The following NSD2 variants were observed in gnomAD, a reference collection of about 807,000 sequenced individuals.
NSD2 encodes nuclear receptor binding SET domain protein 2.
A neutral mutation model predicts 139.0 loss-of-function variants in NSD2; 12 were observed. The observed-to-expected ratio is 0.09, with a 90% confidence interval of 0.06 to 0.14. NSD2 has a LOEUF of 0.14. Ranked by LOEUF, NSD2 falls within the 10% of genes least tolerant of loss-of-function variation. NSD2 has a pLI of 1.00. For missense variants in NSD2, 1,155 were observed against 1,745.0 expected, an observed-to-expected ratio of 0.66 and a Z score of 6.02; for synonymous variants, 669 against 648.7, an observed-to-expected ratio of 1.03 and a Z score of -0.48.
rs368860271 is a variant in NSD2 at position 1,955,506 on chromosome 4, T to C, written c.2518+166T>C. 7.0e-5 allele frequency: 86 copies of C among 1,233,334 alleles called. No homozygotes were observed. The East Asian group carries it at 2.1e-3, about 31-fold the overall frequency. The allele number at this position is 1,233,334 out of a possible 1,614,324, so 76.4% of individuals were successfully genotyped here. On this transcript the variant is annotated intron_variant, in intron 13 of 21. Transcript: ENST00000508803. This position sits in a 1 kb window ranked among gnomAD's most constrained non-coding sequence, Gnocchi z 4.7. ...AGTAGCTCTAAATTAATTGTAATCA[T>C]TTCGCAAACATACAGGAAATTATTT...
intron 20 of NSD2, 27 bp downstream of exon 20, chr4:1,975,427 C>G (rs200279117): frequency 1.2e-6 from 2 of 1,605,158 alleles, no homozygotes; most frequent in African/African-American, 1.3e-5. Flanking sequence ...CTCCTTCCCC[C>G]CAGGCTCTGT....
chr4:1,955,280 C>G lies in NSD2; in HGVS notation c.2458C>G (p.Arg820Gly). ...SIICTAHFTA[R>G]KGKRHHAHVN... ...CATCTGCACTGCCCACTTCACTGCTCGGAAGGGGAAGCGACACCACGCCCA... is the reference window on the plus strand; with the variant it reads ...CATCTGCACTGCCCACTTCACTGCTGGGAAGGGGAAGCGACACCACGCCCA... The change falls in exon 13 of 22, where the codon CGG (arginine) becomes GGG (glycine). Residue 820 changes from arginine to glycine, a missense_variant. Physicochemically the swap from Arg to Gly is moderately radical, Grantham distance 125. This residue lies in a region of NSD2 where 120 missense variants were observed against 239.3 expected (regional missense o/e 0.50). Coordinates refer to ENST00000508803, the MANE Select transcript of NSD2 (RefSeq NM_001042424.3). The surrounding 1 kb of genome is among the most constrained non-coding windows in gnomAD (Gnocchi z 4.7). 6.2e-7 allele frequency: 1 copy of G among 1,614,070 alleles called. No homozygotes were observed. The highest frequency in any genetic ancestry group is 1.7e-5 in the Admixed American group (1 of 60,034).
chr4:1,967,600 C>G (rs1726020707), intron 18 of NSD2, among the ~76,000 whole-genome samples: 1 of 151,982 alleles, frequency 6.6e-6, no homozygotes, highest in Non-Finnish European at 1.5e-5. Context: ...AAAGATATTT[C>G]CAACTTAACA....
intron 8 of NSD2, chr4:1,939,436 T>C (rs1577497104): frequency 1.7e-6 from 1 of 574,492 alleles, no homozygotes; most frequent in Non-Finnish European, 3.1e-6. Context: ...CAGGTTGATG[T>C]TTTTGGGGGC....
chr4:1,943,304 T>C (rs1375303135), intron 9 of NSD2: 9 of 1,043,450 alleles, frequency 8.6e-6, no homozygotes, highest in Non-Finnish European at 9.2e-6. Context: ...TTAATGAACG[T>C]TTCTGACTAA....
rs202245225 is a variant in NSD2 at position 1,955,806 on chromosome 4, C to T, written c.2632C>T (p.Leu878=). 6.2e-7 allele frequency: 1 copy of T among 1,614,232 alleles called. No individual in the cohort carries two copies. The highest frequency in any genetic ancestry group is 2.2e-5 in the East Asian group (1 of 44,890). ...CAATGACTGCAGGGCTGGGAAGAAG[C>T]TGCACTTCCAGGATATCATTTGGGT... ...FCNDCRAGKK[L]HFQDIIWVKL... is the part of the protein sequence containing the mutation. The change falls in exon 14 of 22, where the codon CTG becomes TTG. Residue 878 remains leucine, a synonymous_variant. Transcript: ENST00000508803. The surrounding 1 kb of genome is among the most constrained non-coding windows in gnomAD (Gnocchi z 4.7).
At chr4:1,886,898 A>G (rs766713533) in intron 1 of NSD2, among the ~76,000 whole-genome samples, 10 of 152,154 alleles carry the variant, frequency 6.6e-5, no homozygotes, top group Non-Finnish European at 1.0e-4. Flanking sequence ...TATATGTTCA[A>G]TTCTATCTGT....
chr4:1,940,616 A>G, intron 9 of NSD2: 3 of 1,062,698 alleles, frequency 2.8e-6, no homozygotes, highest in Non-Finnish European at 3.4e-6. Flanking sequence ...TGTTTTTCTC[A>G]TTGTAGACAT....
intron 1 of NSD2, chr4:1,887,709 TAA>T (rs1715223263): frequency 6.6e-6 from 1 of 152,202 alleles, no homozygotes; most frequent in African/African-American, 2.4e-5. Context: ...TAAATGAATA[TAA>T]ATTGTTACAT....
intron 4 of NSD2, 59 bp from the exon 5 acceptor site, chr4:1,918,082 A>G: frequency 6.4e-7 from 1 of 1,557,592 alleles, no homozygotes; most frequent in Non-Finnish European, 8.7e-7. Context: ...GCCTAGGAAA[A>G]GTAGTTAACT....
intron 3 of NSD2, among the ~76,000 whole-genome samples, chr4:1,905,409 A>G (rs1297436803): frequency 6.6e-6 from 1 of 152,218 alleles, no homozygotes; most frequent in African/African-American, 2.4e-5. Flanking sequence ...CTCCAGTCCA[A>G]TATTGCTGAC....
chr4:1,978,356 G>A (rs1208788802), intron 21 of NSD2, among the ~76,000 whole-genome samples: 1 of 152,106 alleles, frequency 6.6e-6, no homozygotes, highest in Non-Finnish European at 1.5e-5. Context: ...CGCCGCGCTG[G>A]GGGACACTCC....
chr4:1,931,632 G>A (rs928937603), intron 6 of NSD2, among the ~76,000 whole-genome samples: 5 of 152,150 alleles, frequency 3.3e-5, no homozygotes, highest in African/African-American at 4.8e-5. Context: ...GCCCAGAAGC[G>A]AAAGGGTCTG....
intron 3 of NSD2, among the ~76,000 whole-genome samples, chr4:1,911,587 CAAAAAAAAAAAAA>C (rs372660600): frequency 2.4e-5 from 1 of 42,076 alleles, no homozygotes; most frequent in Non-Finnish European, 4.6e-5. Flanking sequence ...GACGCCATCT[CAAAAAAAAAAAAA>C]AAAAAAAGAA....
intron 3 of NSD2, among the ~76,000 whole-genome samples, chr4:1,907,819 G>A (rs1403830175): frequency 6.6e-6 from 1 of 151,874 alleles, no homozygotes; most frequent in African/African-American, 2.4e-5. Context: ...CACCATGTTG[G>A]CCAGGATGAT....
chr4:1,968,753 C>T (rs1260893053), intron 18 of NSD2, among the ~76,000 whole-genome samples: 1 of 152,090 alleles, frequency 6.6e-6, no homozygotes, highest in African/African-American at 2.4e-5. Flanking sequence ...CTCCCACAGG[C>T]CTTAATGTTT....
chr4:1,880,524 A>C (rs1714622095), intron 1 of NSD2, among the ~76,000 whole-genome samples: 1 of 151,816 alleles, frequency 6.6e-6, no homozygotes, highest in African/African-American at 2.4e-5. Context: ...CCTCGTTCCC[A>C]TGGGTTTTAT....
At chr4:1,874,136 C>T (rs993546771) in intron 1 of NSD2, among the ~76,000 whole-genome samples, 2 of 152,216 alleles carry the variant, frequency 1.3e-5, no homozygotes, top group African/African-American at 2.4e-5. Context: ...TTCTGATCTA[C>T]GTGTTTGGTT....
Position 1,974,782 on chromosome 4 carries a change from T to C in NSD2, c.3373-81T>C. On this transcript the variant is annotated intron_variant, in intron 18 of 21. Coordinates refer to ENST00000508803, the MANE Select transcript of NSD2 (RefSeq NM_001042424.3). This position sits in a 1 kb window ranked among gnomAD's most constrained non-coding sequence, Gnocchi z 4.0. ...AACAAGGAACACAACTTGTTCAATG[T>C]GCTTTATGATGGTGAAAATTCCCTT... 6.3e-7 allele frequency: 1 copy of C among 1,589,306 alleles called. No individual in the cohort carries two copies. The highest frequency in any genetic ancestry group is 8.6e-7 in the Non-Finnish European group (1 of 1,159,498).
Sources: gnomAD v4.1 joint callset for allele counts (sites outside exome capture counted in the v4.1 genomes callset) on GRCh38, gnomAD v4.1.1 for gene constraint, gnomAD v4.1.1 regional missense constraint, Gnocchi (gnomAD v3.1) non-coding constraint, MANE v1.5 for transcripts, NCBI Gene and HGNC (gene_info 2026-07-23, HGNC 2026-07-21) for gene names.